The following RGL1 variants were observed in gnomAD, a reference collection of about 807,000 sequenced individuals.
The protein encoded by RGL1 is ral guanine nucleotide dissociation stimulator-like 1.
Under a neutral mutation model 95.2 loss-of-function variants are expected in RGL1, and 24 were observed. That is an observed-to-expected ratio of 0.25 (90% CI 0.18 to 0.35). The LOEUF (loss-of-function observed/expected upper bound fraction) is 0.35. RGL1 is among the 10% of genes least tolerant of loss of function. RGL1 has a pLI of 1.00. For synonymous variants in RGL1, 329 were observed against 344.9 expected, an observed-to-expected ratio of 0.95 and a Z score of 0.51; for missense variants, 715 against 936.3, an observed-to-expected ratio of 0.76 and a Z score of 3.08.
intron 2 of RGL1, among the ~76,000 whole-genome samples, chr1:183,820,239 G>A (rs1018391455): frequency 7.2e-5 from 11 of 152,040 alleles, no homozygotes; most frequent in Non-Finnish European, 1.5e-4. Context: ...TATCTATTCC[G>A]TTTGTGATAG....
At chr1:183,846,103 T>A (rs899675998) in intron 2 of RGL1, among the ~76,000 whole-genome samples, 4 of 152,248 alleles carry the variant, frequency 2.6e-5, no homozygotes, top group African/African-American at 7.2e-5. Context: ...CGTGTGTTTA[T>A]TGCAGCACTG....
At chr1:183,727,949 C>G (rs1656406063) in intron 1 of RGL1, among the ~76,000 whole-genome samples, 1 of 152,104 alleles carries the variant, frequency 6.6e-6, no homozygotes, top group Admixed American at 6.6e-5. Flanking sequence ...TTGGGTATGT[C>G]TATGAAAGTA....
chr1:183,858,436 C>A (rs1665298921), intron 3 of RGL1, among the ~76,000 whole-genome samples: 1 of 152,084 alleles, frequency 6.6e-6, no homozygotes, highest in Non-Finnish European at 1.5e-5. Context: ...AGCGTGGTAA[C>A]AGGGGATATG....
At chr1:183,638,108 G>C (rs1342560584) in intron 1 of RGL1, among the ~76,000 whole-genome samples, 1 of 151,980 alleles carries the variant, frequency 6.6e-6, no homozygotes, top group Non-Finnish European at 1.5e-5. Flanking sequence ...CTATTCTTTT[G>C]TATTGCCTTA....
intron 17 of RGL1, among the ~76,000 whole-genome samples, chr1:183,925,658 T>G (rs1669573501): frequency 6.6e-6 from 1 of 152,106 alleles, no homozygotes; most frequent in African/African-American, 2.4e-5. Context: ...TGCTGTAGAT[T>G]TTCTGTTTTT....
chr1:183,863,238 G>A (rs948781191), intron 3 of RGL1, among the ~76,000 whole-genome samples: 9 of 152,224 alleles, frequency 5.9e-5, no homozygotes, highest in African/African-American at 1.9e-4. Context: ...TGTGAGACAC[G>A]TAAGACTTTC....
chr1:183,898,607 G>A (rs1444550710), intron 10 of RGL1, among the ~76,000 whole-genome samples: 1 of 152,204 alleles, frequency 6.6e-6, no homozygotes, highest in South Asian at 2.1e-4. Flanking sequence ...CTCAACGTAA[G>A]TAAGAAATGT....
At chr1:183,747,336 T>C (rs1168769432) in intron 2 of RGL1, among the ~76,000 whole-genome samples, 2 of 152,204 alleles carry the variant, frequency 1.3e-5, no homozygotes, top group African/African-American at 4.8e-5. Flanking sequence ...TGACTTTTTA[T>C]TGATGGCCAT....
intron 1 of RGL1, among the ~76,000 whole-genome samples, chr1:183,690,731 TA>T (rs34672729): frequency 0.45 from 66,670 of 148,304 alleles, 15,937 homozygotes; most frequent in East Asian, 0.75. Context: ...GAGGTACTTA[TA>T]AAAAAAAAAA....
chr1:183,844,931 ACATGATGACATTAAG>A (rs1009569996), intron 2 of RGL1, among the ~76,000 whole-genome samples: 9 of 152,240 alleles, frequency 5.9e-5, no homozygotes, highest in African/African-American at 2.2e-4. Context: ...TAGCGGTTTG[ACATGATGACATTAAG>A]CTATTCTAAC....
chr1:183,682,399 T>A (rs1021200601), intron 1 of RGL1, among the ~76,000 whole-genome samples: 2 of 152,230 alleles, frequency 1.3e-5, no homozygotes, highest in African/African-American at 2.4e-5. Flanking sequence ...AGAACATCTT[T>A]ATTTCTGCCT....
At chr1:183,697,451 A>G (rs781703267) in intron 1 of RGL1, among the ~76,000 whole-genome samples, 13 of 152,176 alleles carry the variant, frequency 8.5e-5, no homozygotes, top group African/African-American at 4.8e-5. Flanking sequence ...GTCCACTACT[A>G]TATGCCAAGT....
At chr1:183,790,046 G>T (rs199675219) in intron 2 of RGL1, among the ~76,000 whole-genome samples, 1 of 151,542 alleles carries the variant, frequency 6.6e-6, no homozygotes, top group Non-Finnish European at 1.5e-5. Context: ...TCAGCCTCCC[G>T]AGTAGCTGGG....
intron 2 of RGL1, among the ~76,000 whole-genome samples, chr1:183,794,181 C>T (rs990936798): frequency 3.3e-5 from 5 of 151,596 alleles, no homozygotes; most frequent in Non-Finnish European, 5.9e-5. Flanking sequence ...GTGAAATGAG[C>T]CAGGCACAGA....
At chr1:183,822,502 C>T (rs1400956507) in intron 2 of RGL1, among the ~76,000 whole-genome samples, 2 of 152,218 alleles carry the variant, frequency 1.3e-5, no homozygotes, top group African/African-American at 2.4e-5. Flanking sequence ...GAGGAACAGG[C>T]GGCCTTTTGC....
At chr1:183,900,514 A>G (rs1667954893) in intron 11 of RGL1, among the ~76,000 whole-genome samples, 1 of 152,070 alleles carries the variant, frequency 6.6e-6, no homozygotes, top group South Asian at 2.1e-4. Flanking sequence ...AATTATTATT[A>G]TTTTTTTGAG....
rs58630820 is a variant in RGL1, at chr1:183,706,015, G to T, written c.-32-36111G>T. On this transcript the variant is annotated intron_variant, in intron 1 of 18. Transcript: ENST00000304685. ...GTGTGGAAGTATCCCAAACAGTGGG[G>T]TTAACTATGGATGGGGGATAAGGAA... 2.8e-3 allele frequency among the ~76,000 whole-genome samples: 419 copies of T among 152,184 alleles called. 15 individuals carry two copies. The East Asian group carries it at 0.069, about 25-fold the overall frequency.
At position 183,892,169 on chromosome 1, in the gene RGL1, T is replaced by C. The variant is rs1470458275; in HGVS notation, c.1140+8T>C. 6.3e-7 allele frequency: 1 copy of C among 1,594,968 alleles called. No individual in the cohort carries two copies. The highest frequency in any genetic ancestry group is 8.6e-7 in the Non-Finnish European group (1 of 1,163,252). On this transcript the variant is annotated splice_region_variant and intron_variant, in intron 9 of 17. Transcript: ENST00000360851. ...CGAGAACTACTGATGAAGGTGAGGC[T>C]CTTAGTGAGGCTGCTGTGTAGTGCT...
rs71555416 is a variant in RGL1 at position 183,840,724 on chromosome 1, T to TAATA, written c.139-6822_139-6819dup. On this transcript the variant is annotated intron_variant, in intron 2 of 17. Coordinates refer to ENST00000360851, the MANE Select transcript of RGL1 (RefSeq NM_001297671.3). ...AAAAATAAATAAATAAATAAATAAA[T>TAATA]AATAAATAAATAAATAAATAAATTA... Among the ~76,000 whole-genome samples the TAATA allele has an allele frequency of 8.7e-4, 116 of 133,818 alleles. No homozygotes were observed. The East Asian group carries it at 0.02, about 23-fold the overall frequency. The allele number at this position is 133,818 out of a possible 152,430, so 87.8% of individuals were successfully genotyped here.
Sources: allele counts gnomAD v4.1 joint callset (sites outside exome capture counted in the v4.1 genomes callset), GRCh38; gene constraint gnomAD v4.1.1; transcripts MANE v1.5; gene names NCBI Gene and HGNC (gene_info 2026-07-23, HGNC 2026-07-21).